The following SGCZ variants were observed in gnomAD, a reference collection of about 807,000 sequenced individuals.
SGCZ encodes the protein zeta-sarcoglycan.
A neutral mutation model predicts 41.3 loss-of-function variants in SGCZ; 40 were observed. That is an observed-to-expected ratio of 0.97 (90% confidence interval 0.75 to 1.26). The LOEUF is 1.26. SGCZ is among the 50% of genes most tolerant of loss of function. SGCZ has a pLI of 0.00. For synonymous variants in SGCZ, 206 were observed against 137.5 expected, an observed-to-expected ratio of 1.50 and a Z score of -3.49; for missense variants, 552 against 369.8, an observed-to-expected ratio of 1.49 and a Z score of -4.04.
At chr8:14,447,329 G>C (rs1021315951) in intron 2 of SGCZ, among the ~76,000 whole-genome samples, 5 of 151,930 alleles carry the variant, frequency 3.3e-5, no homozygotes, top group African/African-American at 1.2e-4. Flanking sequence ...ATTTAATTAT[G>C]AAATCAAAAA....
intron 1 of SGCZ, among the ~76,000 whole-genome samples, chr8:14,910,713 C>A (rs559743941): frequency 2.6e-5 from 4 of 151,688 alleles, no homozygotes; most frequent in Non-Finnish European, 5.9e-5. Context: ...CCCAAAATTT[C>A]TTCAAATTTA....
chr8:14,900,427 C>A (rs1798933836), intron 1 of SGCZ, among the ~76,000 whole-genome samples: 2 of 152,050 alleles, frequency 1.3e-5, no homozygotes, highest in South Asian at 4.1e-4. Context: ...GAAGTTTGGA[C>A]CCAATAGCGG....
Position 14,401,085 on chromosome 8 carries a change from G to A in SGCZ, c.235-76881C>T, listed in dbSNP as rs555357598. Among the ~76,000 whole-genome samples the A allele has an allele frequency of 6.6e-5, 10 of 152,178 alleles. No homozygotes were observed. The South Asian group carries it at 2.1e-3, about 32-fold the overall frequency. On this transcript the variant is annotated intron_variant, in intron 2 of 7. Coordinates refer to ENST00000382080, the MANE Select transcript of SGCZ (RefSeq NM_139167.4). Reference sequence around the variant, plus strand: ...TCCCTGTGTAATTAATGGAAGGAAAGCAGTCCACACTGTGCAAGATACAGC... The same window carrying A: ...TCCCTGTGTAATTAATGGAAGGAAAACAGTCCACACTGTGCAAGATACAGC...
intron 2 of SGCZ, among the ~76,000 whole-genome samples, chr8:14,519,772 T>C (rs17119607): frequency 0.044 from 6,623 of 152,220 alleles, 214 homozygotes; most frequent in African/African-American, 0.091. Flanking sequence ...TTGTTGAAAG[T>C]AATCATGAGA....
intron 3 of SGCZ, among the ~76,000 whole-genome samples, chr8:14,262,201 A>C (rs971812842): frequency 6.6e-6 from 1 of 152,152 alleles, no homozygotes; most frequent in East Asian, 1.9e-4. Flanking sequence ...TAGCAATTTA[A>C]AAACACATAT....
In SGCZ at chr8:14,451,877, T is replaced by C. The variant is rs529557639; in HGVS notation, c.234+102855A>G. 2.6e-5 allele frequency among the ~76,000 whole-genome samples: 4 copies of C among 152,350 alleles called. No individual in the cohort carries two copies. The South Asian group carries it at 8.3e-4, about 32-fold the overall frequency. On this transcript the variant is annotated intron_variant, in intron 2 of 7. Transcript: ENST00000382080. ...AACAACAGAAACTCTCATTGATTCC[T>C]GGTGGAAATTCAAAGTGGTGCAGCC...
chr8:14,424,901 T>C (rs1206340710), intron 2 of SGCZ, among the ~76,000 whole-genome samples: 1 of 152,214 alleles, frequency 6.6e-6, no homozygotes, highest in Non-Finnish European at 1.5e-5. Flanking sequence ...AGTATTAATA[T>C]GTATTATCAG....
At chr8:15,129,425 T>C (rs750551295) in intron 1 of SGCZ, among the ~76,000 whole-genome samples, 1 of 152,140 alleles carries the variant, frequency 6.6e-6, no homozygotes, top group Non-Finnish European at 1.5e-5. Context: ...GTCAAAGATC[T>C]AGAAAGTAAC....
chr8:14,350,286 G>A (rs1803042202), intron 2 of SGCZ, among the ~76,000 whole-genome samples: 1 of 151,592 alleles, frequency 6.6e-6, no homozygotes. Context: ...AAGTCCTGAA[G>A]ATCTGGGGAT....
chr8:15,152,946 G>A (rs1799224920), intron 1 of SGCZ, among the ~76,000 whole-genome samples: 1 of 152,128 alleles, frequency 6.6e-6, no homozygotes, highest in African/African-American at 2.4e-5. Flanking sequence ...AAAGGGTTTT[G>A]CAAATTTGGT....
intron 3 of SGCZ, among the ~76,000 whole-genome samples, chr8:14,268,103 A>G (rs546027310): frequency 3.7e-4 from 56 of 150,370 alleles, no homozygotes; most frequent in African/African-American, 1.3e-3. Context: ...TTGCTGTTTC[A>G]GTGATAATAT....
chr8:14,729,487 T>C (rs1010189891), intron 1 of SGCZ, among the ~76,000 whole-genome samples: 1 of 152,190 alleles, frequency 6.6e-6, no homozygotes, highest in Non-Finnish European at 1.5e-5. Context: ...ACACGACTGG[T>C]GTCTTTAAAT....
intron 1 of SGCZ, among the ~76,000 whole-genome samples, chr8:15,228,767 T>C (rs902955490): frequency 1.4e-4 from 21 of 152,314 alleles, no homozygotes; most frequent in African/African-American, 4.3e-4. Flanking sequence ...TTTAGGTATA[T>C]AGTGGGTTTC....
intron 3 of SGCZ, among the ~76,000 whole-genome samples, chr8:14,262,641 T>C (rs1159803422): frequency 6.6e-6 from 1 of 151,872 alleles, no homozygotes; most frequent in Non-Finnish European, 1.5e-5. Flanking sequence ...TATTTTCTTA[T>C]ATTTAGACTT....
At chr8:14,291,187 T>C (rs28667425) in intron 3 of SGCZ, among the ~76,000 whole-genome samples, 7,555 of 152,106 alleles carry the variant, frequency 0.05, 205 homozygotes, top group Middle Eastern at 0.11. Context: ...AATTATTAAA[T>C]AGGCACAAAG....
chr8:14,244,005 A>G (rs555267607), intron 3 of SGCZ, among the ~76,000 whole-genome samples: 3 of 152,310 alleles, frequency 2.0e-5, no homozygotes, highest in Admixed American at 6.5e-5. Context: ...CTTGACACAT[A>G]CTTTATGTTC....
At chr8:14,928,672 T>A (rs1799835583) in intron 1 of SGCZ, among the ~76,000 whole-genome samples, 1 of 152,210 alleles carries the variant, frequency 6.6e-6, no homozygotes, top group African/African-American at 2.4e-5. Context: ...TTCCATTGTA[T>A]CTTTGTTAAG....
chr8:14,515,958 T>G (rs1802607908), intron 2 of SGCZ, among the ~76,000 whole-genome samples: 1 of 152,082 alleles, frequency 6.6e-6, no homozygotes, highest in Non-Finnish European at 1.5e-5. Context: ...AATACCTTGT[T>G]GGAAATAACT....
chr8:14,888,383 T>C (rs1020505139), intron 1 of SGCZ, among the ~76,000 whole-genome samples: 3 of 152,164 alleles, frequency 2.0e-5, no homozygotes, highest in Non-Finnish European at 2.9e-5. Context: ...AGCTTTGCCA[T>C]CTTTTAATAA....
Sources: gnomAD v4.1 joint callset for allele counts (sites outside exome capture counted in the v4.1 genomes callset) on GRCh38, gnomAD v4.1.1 for gene constraint, MANE v1.5 for transcripts, NCBI Gene and HGNC (gene_info 2026-07-23, HGNC 2026-07-21) for gene names.